Variants in YTHDF3 observed in about 807,000 individuals in gnomAD.
YTHDF3 encodes YTH domain-containing family protein 3.
A neutral mutation model predicts 52.5 loss-of-function variants in YTHDF3; 9 were observed. The observed-to-expected ratio is 0.17, with a 90% CI of 0.10 to 0.30. The LOEUF is 0.30. YTHDF3 is among the 10% of genes least tolerant of loss of function. The pLI, the probability that YTHDF3 is intolerant of heterozygous loss-of-function variation, is 1.00. For synonymous variants in YTHDF3, 274 were observed against 243.3 expected, an observed-to-expected ratio of 1.13 and a Z score of -1.18; for missense variants, 534 against 715.0, an observed-to-expected ratio of 0.75 and a Z score of 2.89.
intron 2 of YTHDF3, among the ~76,000 whole-genome samples, chr8:63,174,046 T>C (rs1807524266): frequency 6.6e-6 from 1 of 152,180 alleles, no homozygotes; most frequent in East Asian, 1.9e-4. Flanking sequence ...CACTGTTAAC[T>C]CATAATATTA....
intron 2 of YTHDF3, among the ~76,000 whole-genome samples, chr8:63,173,069 A>G (rs1363689575): frequency 6.6e-6 from 1 of 151,812 alleles, no homozygotes; most frequent in African/African-American, 2.4e-5. Context: ...ATATTTTAAG[A>G]CTTTATAGAC....
intron 2 of YTHDF3, chr8:63,173,724 A>G (rs1807498668): frequency 3.1e-6 from 3 of 981,724 alleles, no homozygotes; most frequent in Non-Finnish European, 2.4e-6. Context: ...ACCCAGCCTT[A>G]TAATGGCACT....
At chr8:63,204,681 A>T (rs1809884175) in intron 4 of YTHDF3, among the ~76,000 whole-genome samples, 1 of 152,144 alleles carries the variant, frequency 6.6e-6, no homozygotes, top group Non-Finnish European at 1.5e-5. Context: ...TGCATTTCAT[A>T]GCAAGTGTCT....
chr8:63,197,629 G>A (rs1007347847), intron 4 of YTHDF3, among the ~76,000 whole-genome samples: 53 of 152,096 alleles, frequency 3.5e-4, no homozygotes, highest in African/African-American at 1.2e-3. Context: ...AGAGAAGTGG[G>A]ATATACCATA....
chr8:63,208,912 G>T (rs1810206512), intron 4 of YTHDF3, among the ~76,000 whole-genome samples: 1 of 152,148 alleles, frequency 6.6e-6, no homozygotes, highest in Non-Finnish European at 1.5e-5. Context: ...TTGTTGCCCA[G>T]CCTGGAGTGC....
intron 4 of YTHDF3, among the ~76,000 whole-genome samples, chr8:63,198,935 G>A (rs1334115732): frequency 6.6e-6 from 1 of 152,050 alleles, no homozygotes; most frequent in Non-Finnish European, 1.5e-5. Context: ...TAACACATTT[G>A]ATACAATAAA....
intron 4 of YTHDF3, among the ~76,000 whole-genome samples, chr8:63,207,284 C>G (rs1284589082): frequency 6.6e-6 from 1 of 152,064 alleles, no homozygotes; most frequent in Non-Finnish European, 1.5e-5. Context: ...TTGTATGTCT[C>G]TATTAGTCTT....
rs756447302 is a variant in YTHDF3, at chr8:63,187,194, C to T, written c.1183C>T (p.Leu395=). 7 of 1,613,994 alleles carry T rather than the reference C, an allele frequency of 4.3e-6. No homozygotes were observed. In the South Asian group the frequency reaches 4.4e-5, roughly 10 times the overall value. ...SPSSVEVHPV[L]EKLKAINNYN... ...TTCTAGTGTAGAAGTGCATCCCGTGCTGGAAAAGCTAAAGGCCATAAACAA... is the reference window on the plus strand; with the variant it reads ...TTCTAGTGTAGAAGTGCATCCCGTGTTGGAAAAGCTAAAGGCCATAAACAA... Residue 395 remains leucine, a synonymous_variant, in exon 4 of 5, where the codon CTG becomes TTG. Coordinates refer to ENST00000539294, the MANE Select transcript of YTHDF3 (RefSeq NM_152758.6).
chr8:63,204,266 A>G (rs1327936452), intron 4 of YTHDF3, among the ~76,000 whole-genome samples: 1 of 152,068 alleles, frequency 6.6e-6, no homozygotes, highest in Non-Finnish European at 1.5e-5. Flanking sequence ...CTACTCCACA[A>G]ATGAGGCAGC....
At position 63,202,915 on chromosome 8, in the gene YTHDF3, C is replaced by T. The variant is rs182352528; in HGVS notation, c.1735-6768C>T. 1.4e-4 allele frequency among the ~76,000 whole-genome samples: 22 copies of T among 152,170 alleles called. No individual in the cohort carries two copies. The East Asian group carries it at 3.1e-3, about 21-fold the overall frequency. ...ATGAACATCGTCTTTTCTTGAAACA[C>T]GCACACGGTGTTTTTTATTCTTTTC... On this transcript the variant is annotated intron_variant, in intron 4 of 4. Coordinates refer to ENST00000539294, the MANE Select transcript of YTHDF3 (RefSeq NM_152758.6).
At chr8:63,171,212 G>GC (rs1333915813) in intron 2 of YTHDF3, among the ~76,000 whole-genome samples, 5 of 152,034 alleles carry the variant, frequency 3.3e-5, no homozygotes, top group African/African-American at 1.2e-4. Context: ...ACTGCCTTTG[G>GC]CTACTGACTT....
intron 4 of YTHDF3, among the ~76,000 whole-genome samples, chr8:63,201,992 T>C (rs1025830432): frequency 2.6e-5 from 4 of 152,202 alleles, no homozygotes; most frequent in Non-Finnish European, 5.9e-5. Flanking sequence ...ATTTAGATCC[T>C]GCATGTTCTT....
chr8:63,187,261 G>A lies in YTHDF3; in HGVS notation c.1250G>A (p.Arg417His). 1 of 1,614,024 alleles carries A rather than the reference G, an allele frequency of 6.2e-7. No homozygotes were observed. The highest frequency in any genetic ancestry group is 8.5e-7 in the Non-Finnish European group (1 of 1,179,904). Residue 417 changes from arginine to histidine, a missense_variant, in exon 4 of 5, where the codon CGT (arginine) becomes CAT (histidine). Physicochemically the swap from Arg to His is conservative, Grantham distance 29. Coordinates refer to ENST00000539294, the MANE Select transcript of YTHDF3 (RefSeq NM_152758.6). ...KDFDWNLKNG[R>H]VFIIKSYSED... ...TTTGATTGGAATCTGAAGAATGGAC[G>A]TGTGTTTATAATTAAAAGCTACTCT...
At chr8:63,180,659 GC>G (rs1808064366) in intron 3 of YTHDF3, among the ~76,000 whole-genome samples, 1 of 152,304 alleles carries the variant, frequency 6.6e-6, no homozygotes, top group East Asian at 1.9e-4. Context: ...CCGAGATCAC[GC>G]CACTGCACTC....
intron 2 of YTHDF3, among the ~76,000 whole-genome samples, chr8:63,173,384 C>G (rs1178981653): frequency 6.6e-6 from 1 of 151,700 alleles, no homozygotes; most frequent in African/African-American, 2.4e-5. Context: ...GGACTATAGG[C>G]ACATGCCACC....
chr8:63,207,178 C>T (rs1416835718), intron 4 of YTHDF3, among the ~76,000 whole-genome samples: 1 of 152,164 alleles, frequency 6.6e-6, no homozygotes, highest in Non-Finnish European at 1.5e-5. Context: ...TGTTATGTAG[C>T]ATGTTGTGAC....
intron 4 of YTHDF3, among the ~76,000 whole-genome samples, chr8:63,206,146 T>C (rs1041197550): frequency 4.6e-5 from 7 of 152,152 alleles, no homozygotes; most frequent in Non-Finnish European, 1.0e-4. Context: ...CGATCTTGGC[T>C]CACTGCAACC....
At position 63,168,884 on chromosome 8, in the gene YTHDF3, G is replaced by A. The variant is rs1403895767; in HGVS notation, c.7G>A (p.Ala3Thr). 1.3e-6 allele frequency: 2 copies of A among 1,554,298 alleles called. No individual in the cohort carries two copies. Among genetic ancestry groups the A allele is most frequent in the Non-Finnish European group, 1.7e-6 (2 of 1,149,048 alleles). ...TCTCGGGTTGCGGTGAAGAATGTCA[G>A]CCACTAGCGTGGATCAGGTGAGGGA... is the stretch of plus-strand genomic sequence containing the variant. The part of the protein sequence containing the change: MS[A>T]TSVDQRPKGQ... Residue 3 changes from alanine to threonine, a missense_variant, in exon 1 of 5, where the codon GCC (alanine) becomes ACC (threonine). Physicochemically the swap from Ala to Thr is moderately conservative, Grantham distance 58. Coordinates refer to ENST00000539294, the MANE Select transcript of YTHDF3 (RefSeq NM_152758.6).
At chr8:63,170,111 GA>G (rs1430155459) in intron 2 of YTHDF3, among the ~76,000 whole-genome samples, 4 of 152,186 alleles carry the variant, frequency 2.6e-5, no homozygotes, top group African/African-American at 9.6e-5. Flanking sequence ...TCAGCTGACT[GA>G]AACATTATGA....
Sources: allele counts gnomAD v4.1 joint callset (sites outside exome capture counted in the v4.1 genomes callset), GRCh38; gene constraint gnomAD v4.1.1; transcripts MANE v1.5; gene names NCBI Gene and HGNC (gene_info 2026-07-23, HGNC 2026-07-21).